AR: variants seen among roughly 807,000 people sequenced by gnomAD.
AR encodes dihydrotestosterone receptor.
A neutral mutation model predicts 53.9 loss-of-function variants in AR; 8 were observed. The ratio of observed to expected loss-of-function variants is 0.15; its 90% CI spans 0.09 to 0.27. AR has a LOEUF of 0.27. Ranked by LOEUF, AR falls within the 10% of genes least tolerant of loss-of-function variation. The probability of loss-of-function intolerance (pLI) is 1.00; values close to 1 mark genes in which losing one functional copy is unlikely to be tolerated. For missense variants in AR, 639 were observed against 742.5 expected, an observed-to-expected ratio of 0.86 and a Z score of 1.62; for synonymous variants, 359 against 316.4, an observed-to-expected ratio of 1.13 and a Z score of -1.43.
chrX:67,720,094 A>C (rs1362972362), intron 5 of AR, among the ~76,000 whole-genome samples: 1 of 111,527 alleles, frequency 9.0e-6, no homozygotes, highest in Non-Finnish European at 1.9e-5. Flanking sequence ...GCACCTTTCT[A>C]TATGTCATTT....
At chrX:67,696,831 T>C (rs1241484847) in intron 3 of AR, among the ~76,000 whole-genome samples, 1 of 111,469 alleles carries the variant, frequency 9.0e-6, no homozygotes, top group African/African-American at 3.3e-5. Context: ...TTCTCTCCAG[T>C]AAGATGCTAT....
intron 4 of AR, among the ~76,000 whole-genome samples, chrX:67,716,502 C>T (rs5918763): frequency 1.8e-5 from 2 of 110,387 alleles, no homozygotes; most frequent in African/African-American, 3.3e-5. Context: ...CATGTGAGAG[C>T]GCAAGTGGCA....
At chrX:67,702,558 G>T (rs1023140573) in intron 3 of AR, among the ~76,000 whole-genome samples, 2 of 111,993 alleles carry the variant, frequency 1.8e-5, no homozygotes, top group Non-Finnish European at 3.8e-5. Flanking sequence ...CCAAAGCCCC[G>T]CAGAAATGAT....
At chrX:67,657,279 C>A (rs1301957943) in intron 2 of AR, among the ~76,000 whole-genome samples, 1 of 111,188 alleles carries the variant, frequency 9.0e-6, no homozygotes, top group Non-Finnish European at 1.9e-5. Context: ...TCCACACTTT[C>A]CCCTATCCTT....
Position 67,545,969 on chromosome X carries a change from G to T in AR, c.823G>T (p.Val275Phe). The change falls in exon 1 of 8, where the codon GTT (valine) becomes TTT (phenylalanine). Residue 275 changes from valine to phenylalanine, a missense_variant. By Grantham distance (50) the Val-to-Phe change is conservative (BLOSUM62 -1). Coordinates refer to ENST00000374690, the MANE Select transcript of AR (RefSeq NM_000044.6). ...GDCMYAPLLG[V>F]PPAVRPTPCA... The stretch of plus-strand genomic sequence containing the variant: ...TTGCATGTACGCCCCACTTTTGGGA[G>T]TTCCACCCGCTGTGCGTCCCACTCC... 8.2e-7 allele frequency: 1 copy of T among 1,212,443 alleles called. No individual in the cohort carries two copies. Among genetic ancestry groups the T allele is most frequent in the Non-Finnish European group, 1.1e-6 (1 of 895,654 alleles).
chrX:67,695,658 G>A (rs2076016258), intron 3 of AR: 3 of 749,005 alleles, frequency 4.0e-6, no homozygotes, highest in African/African-American at 4.7e-5. Flanking sequence ...GTGAAGCCAG[G>A]GAAACACACA....
chrX:67,656,065 T>C, intron 2 of AR, among the ~76,000 whole-genome samples: 1 of 112,106 alleles, frequency 8.9e-6, no homozygotes, highest in East Asian at 2.8e-4. Flanking sequence ...GCTAGAGTGA[T>C]GACAAGGTGG....
chrX:67,668,516 T>C (rs147636159), intron 2 of AR, among the ~76,000 whole-genome samples: 2,672 of 108,141 alleles, frequency 0.025, 29 homozygotes, highest in South Asian at 0.04. Flanking sequence ...TATTGGCCTA[T>C]AGTTTTCCTT....
At chrX:67,558,561 T>C in intron 1 of AR, among the ~76,000 whole-genome samples, 1 of 111,636 alleles carries the variant, frequency 9.0e-6, no homozygotes, top group Non-Finnish European at 1.9e-5. Context: ...TATAGTCCAC[T>C]GATCCTCACC....
chrX:67,676,147 G>A (rs1465055204), intron 2 of AR, among the ~76,000 whole-genome samples: 1 of 111,984 alleles, frequency 8.9e-6, no homozygotes, highest in Non-Finnish European at 1.9e-5. Flanking sequence ...CATTGTACAG[G>A]ACAACCATGT....
intron 1 of AR, among the ~76,000 whole-genome samples, chrX:67,557,369 T>C (rs780357427): frequency 8.9e-6 from 1 of 111,760 alleles, no homozygotes; most frequent in Non-Finnish European, 1.9e-5. Context: ...AAAAATGAGA[T>C]TGCCATTTAC....
intron 3 of AR, among the ~76,000 whole-genome samples, chrX:67,704,999 A>G (rs370821112): frequency 1.8e-5 from 2 of 111,528 alleles, no homozygotes; most frequent in African/African-American, 6.5e-5. Flanking sequence ...TGTTCCATTG[A>G]TCTATATCTC....
At chrX:67,672,366 C>T (rs973632911) in intron 2 of AR, among the ~76,000 whole-genome samples, 1 of 111,220 alleles carries the variant, frequency 9.0e-6, no homozygotes, top group Non-Finnish European at 1.9e-5. Context: ...TAACTAAGGG[C>T]TTACTCCTGC....
chrX:67,593,357 T>C (rs1478456634), intron 1 of AR, among the ~76,000 whole-genome samples: 3 of 106,998 alleles, frequency 2.8e-5, no homozygotes, highest in Non-Finnish European at 5.8e-5. Flanking sequence ...TTTCTTTTTT[T>C]TTTTTTCTTT....
chrX:67,618,955 A>T (rs1198745464), intron 1 of AR, among the ~76,000 whole-genome samples: 1 of 111,972 alleles, frequency 8.9e-6, no homozygotes, highest in African/African-American at 3.2e-5. Context: ...TTTGAATGCC[A>T]TCCTAGTACT....
chrX:67,630,339 A>G (rs983966831), intron 1 of AR, among the ~76,000 whole-genome samples: 4 of 111,664 alleles, frequency 3.6e-5, no homozygotes, highest in Non-Finnish European at 5.6e-5. Flanking sequence ...GGGTGCATAT[A>G]TATTTAGGAT....
At chrX:67,679,616 A>G (rs1264492327) in intron 2 of AR, among the ~76,000 whole-genome samples, 1 of 111,665 alleles carries the variant, frequency 9.0e-6, no homozygotes, top group Admixed American at 9.5e-5. Flanking sequence ...ATACCTCTTC[A>G]CCAACACGTA....
intron 1 of AR, among the ~76,000 whole-genome samples, chrX:67,624,954 CAT>C (rs1177740629): frequency 2.1e-5 from 2 of 94,999 alleles, no homozygotes; most frequent in African/African-American, 7.6e-5. Flanking sequence ...AAAAGGCACC[CAT>C]ATTGGAAAGG....
At chrX:67,722,057 G>A (rs2147536511) in intron 6 of AR, 94 bp downstream of exon 6, 1 of 1,028,288 alleles carries the variant, frequency 9.7e-7, no homozygotes, top group Non-Finnish European at 1.3e-6. Context: ...GGAAAAGCCA[G>A]CTCCTGGACA....
Sources: allele counts gnomAD v4.1 joint callset (sites outside exome capture counted in the v4.1 genomes callset), GRCh38; gene constraint gnomAD v4.1.1; transcripts MANE v1.5; gene names NCBI Gene and HGNC (gene_info 2026-07-23, HGNC 2026-07-21).